ENOX1: variants seen among roughly 807,000 people sequenced by gnomAD.
ENOX1 encodes the protein ecto-NOX disulfide-thiol exchanger 1.
ENOX1 carries 42 observed loss-of-function variants against 82.5 expected under a neutral mutation model. The observed-to-expected ratio is 0.51, with a 90% CI of 0.40 to 0.66. The LOEUF (loss-of-function observed/expected upper bound fraction) is 0.66, where lower values mean the gene tolerates loss of function less well. ENOX1 is among the 30% of genes least tolerant of loss of function. ENOX1 has a pLI of 0.00. For missense variants in ENOX1, 608 were observed against 811.6 expected, an observed-to-expected ratio of 0.75 and a Z score of 3.05; for synonymous variants, 271 against 282.2, an observed-to-expected ratio of 0.96 and a Z score of 0.40.
chr13:43,230,563 G>T (rs533925493), intron 15 of ENOX1, among the ~76,000 whole-genome samples: 1 of 152,070 alleles, frequency 6.6e-6, no homozygotes, highest in South Asian at 2.1e-4. Flanking sequence ...ACATTACAGA[G>T]AATTGAGTTG....
intron 2 of ENOX1, among the ~76,000 whole-genome samples, chr13:43,551,451 G>C (rs1226536147): frequency 6.6e-6 from 1 of 151,856 alleles, no homozygotes; most frequent in African/African-American, 2.4e-5. Flanking sequence ...AATAAAGAGA[G>C]AAAAAAATGA....
chr13:43,566,380 T>A (rs2079920686), intron 2 of ENOX1, among the ~76,000 whole-genome samples: 2 of 152,140 alleles, frequency 1.3e-5, no homozygotes, highest in Admixed American at 1.3e-4. Context: ...GGTATAGTAA[T>A]TTTAATGCAA....
chr13:43,303,911 C>G (rs535379756), intron 11 of ENOX1, among the ~76,000 whole-genome samples: 1 of 152,298 alleles, frequency 6.6e-6, no homozygotes, highest in South Asian at 2.1e-4. Flanking sequence ...CTTTGAGAGC[C>G]ACTGCTCAGA....
chr13:43,330,944 A>G (rs1487131718), intron 9 of ENOX1, among the ~76,000 whole-genome samples: 1 of 152,204 alleles, frequency 6.6e-6, no homozygotes, highest in African/African-American at 2.4e-5. Flanking sequence ...CCCCACCCCA[A>G]AATGTTTGGA....
At chr13:43,470,307 C>CATAT (rs35765969) in intron 3 of ENOX1, among the ~76,000 whole-genome samples, 3 of 42,480 alleles carry the variant, frequency 7.1e-5, no homozygotes, top group East Asian at 3.2e-4. Context: ...CATATATATA[C>CATAT]ATATATATAC....
chr13:43,580,945 T>C (rs1056787237), intron 2 of ENOX1, among the ~76,000 whole-genome samples: 8 of 152,170 alleles, frequency 5.3e-5, no homozygotes, highest in Admixed American at 3.3e-4. Flanking sequence ...AGGAGATTAA[T>C]TGAAGCAGGT....
intron 12 of ENOX1, among the ~76,000 whole-genome samples, chr13:43,292,564 T>C (rs545062047): frequency 1.3e-5 from 2 of 152,200 alleles, no homozygotes; most frequent in Non-Finnish European, 2.9e-5. Context: ...TGAAGTTGGC[T>C]GGGAGCATCT....
intron 2 of ENOX1, among the ~76,000 whole-genome samples, chr13:43,583,283 A>G (rs2080833728): frequency 6.6e-6 from 1 of 152,254 alleles, no homozygotes; most frequent in Non-Finnish European, 1.5e-5. Context: ...TCCAACAGCA[A>G]TTAAAGTAAT....
At chr13:43,783,411 AAAAC>A (rs1169682054) in intron 1 of ENOX1, among the ~76,000 whole-genome samples, 1 of 152,156 alleles carries the variant, frequency 6.6e-6, no homozygotes, top group Non-Finnish European at 1.5e-5. Context: ...ATGTAAATAA[AAAAC>A]AAAGAAAGAA....
At chr13:43,624,092 T>C (rs748661068) in intron 2 of ENOX1, among the ~76,000 whole-genome samples, 1 of 152,210 alleles carries the variant, frequency 6.6e-6, no homozygotes, top group Non-Finnish European at 1.5e-5. Flanking sequence ...GCATTTGATG[T>C]TGTCAGTAGT....
chr13:43,495,218 C>G (rs1020311364), intron 2 of ENOX1, among the ~76,000 whole-genome samples: 2 of 152,236 alleles, frequency 1.3e-5, no homozygotes, highest in African/African-American at 4.8e-5. Context: ...GTAAAATGCA[C>G]TGATTTTAGG....
In ENOX1 at chr13:43,673,836, G is replaced by T. The variant is rs2085379972; in HGVS notation, c.-284-6292C>A. On this transcript the variant is annotated intron_variant, in intron 1 of 16. Transcript: ENST00000690772. ...CTTTTTATGTTATACACAGCTTTGA[G>T]TACAATGTGTGACTCAAAAAATGTT... Among the ~76,000 whole-genome samples the T allele has an allele frequency of 2.0e-5, 3 of 152,164 alleles. No individual in the cohort carries two copies. The South Asian group carries it at 6.2e-4, about 32-fold the overall frequency.
At chr13:43,538,764 T>C (rs976989139) in intron 2 of ENOX1, among the ~76,000 whole-genome samples, 1 of 152,104 alleles carries the variant, frequency 6.6e-6, no homozygotes, top group African/African-American at 2.4e-5. Context: ...TAGTCTCTTC[T>C]TTTTCCTTGT....
At chr13:43,390,935 G>T (rs2052734735) in intron 5 of ENOX1, among the ~76,000 whole-genome samples, 1 of 152,038 alleles carries the variant, frequency 6.6e-6, no homozygotes. Context: ...ATTACTATCT[G>T]AAGGCACTGG....
At chr13:43,260,121 T>G (rs1422800885) in intron 14 of ENOX1, among the ~76,000 whole-genome samples, 1 of 152,196 alleles carries the variant, frequency 6.6e-6, no homozygotes, top group Admixed American at 6.5e-5. Flanking sequence ...AATACATGGT[T>G]AATGATAGCC....
chr13:43,769,662 C>T (rs1033595432), intron 1 of ENOX1, among the ~76,000 whole-genome samples: 8 of 152,328 alleles, frequency 5.3e-5, no homozygotes, highest in Middle Eastern at 6.8e-3. Flanking sequence ...TAGGCCATCA[C>T]CCACCAAGCA....
intron 11 of ENOX1, among the ~76,000 whole-genome samples, chr13:43,298,842 G>C (rs1483089428): frequency 1.3e-5 from 2 of 152,136 alleles, no homozygotes; most frequent in African/African-American, 4.8e-5. Flanking sequence ...GGTATGTGGT[G>C]CTAGGTGGTG....
At chr13:43,552,244 A>T (rs751711375) in intron 2 of ENOX1, among the ~76,000 whole-genome samples, 3 of 152,098 alleles carry the variant, frequency 2.0e-5, no homozygotes, top group African/African-American at 7.2e-5. Flanking sequence ...CCACCCATCA[A>T]TTGATTTTTG....
rs1261954672 is a variant in ENOX1 at position 43,213,524 on chromosome 13, CTT to C, written c.*464_*465del. 2.4e-5 allele frequency: 2 copies of C among 83,366 alleles called. No individual in the cohort carries two copies. Among genetic ancestry groups the C allele is most frequent in the African/African-American group, 4.0e-5 (1 of 25,260 alleles). 5.2% of individuals were successfully genotyped at this position (83,366 alleles called of 1,614,324 possible). ...CTCACTGTAAAACTTTTTCTTTTTT[CTT>C]TTTTTCTTTTTCTTTTTCTTTTTTT... On this transcript the variant is annotated 3_prime_UTR_variant, in exon 17 of 17. Coordinates refer to ENST00000690772, the MANE Select transcript of ENOX1 (RefSeq NM_001347969.2).
Sources: allele counts gnomAD v4.1 joint callset (sites outside exome capture counted in the v4.1 genomes callset), GRCh38; gene constraint gnomAD v4.1.1; transcripts MANE v1.5; gene names NCBI Gene and HGNC (gene_info 2026-07-23, HGNC 2026-07-21).